Variants in MYH13 observed in about 807,000 individuals in gnomAD.
MYH13 encodes myosin heavy chain 13.
A neutral mutation model predicts 232.1 loss-of-function variants in MYH13; 177 were observed. That is an observed-to-expected ratio of 0.76 (90% confidence interval 0.67 to 0.86). MYH13 has a LOEUF of 0.86. Ranked by LOEUF, MYH13 falls within the 40% of genes least tolerant of loss-of-function variation. The pLI is 0.00. For synonymous variants in MYH13, 884 were observed against 923.5 expected, an observed-to-expected ratio of 0.96 and a Z score of 0.78; for missense variants, 2,246 against 2,405.9, an observed-to-expected ratio of 0.93 and a Z score of 1.39.
chr17:10,320,121 T>A, intron 26 of MYH13, 32 bp downstream of exon 26: 1 of 1,517,440 alleles, frequency 6.6e-7, no homozygotes. Context: ...GCAAAGGGAT[T>A]GTCATGATTG....
intron 23 of MYH13, among the ~76,000 whole-genome samples, chr17:10,323,208 G>C (rs2142236075): frequency 6.6e-6 from 1 of 152,248 alleles, no homozygotes; most frequent in South Asian, 2.1e-4. Flanking sequence ...GGGTCGTAGG[G>C]TATCTGGATT....
At chr17:10,363,407 A>C (rs915757161) in intron 3 of MYH13, among the ~76,000 whole-genome samples, 1 of 152,166 alleles carries the variant, frequency 6.6e-6, no homozygotes, top group Non-Finnish European at 1.5e-5. Flanking sequence ...AGTCCTTAGG[A>C]AAACTTTGAG....
rs754390108 is a variant in MYH13 at position 10,306,585 on chromosome 17, G to A, written c.5340C>T (p.Ser1780=). ...TCTTCTTCATCCGCTCCAGGTGGGC[G>A]CTGGTGTCCTGTTCCTTCTTTAGCT... ...AEELKKEQDT[S]AHLERMKKNL... is the part of the protein sequence containing the mutation. The change falls in exon 37 of 41, where the codon AGC becomes AGT. Residue 1780 remains serine (S), a synonymous_variant. Coordinates refer to ENST00000252172, the MANE Select transcript of MYH13 (RefSeq NM_003802.3). This position sits in a 1 kb window ranked among gnomAD's most constrained non-coding sequence, Gnocchi z 4.3. 19 of 1,614,058 alleles carry A rather than the reference G, an allele frequency of 1.2e-5. No individual in the cohort carries two copies. The highest frequency in any genetic ancestry group is 5.0e-5 in the Admixed American group (3 of 60,008).
At position 10,364,357 on chromosome 17, in the gene MYH13, G is replaced by C. The variant is rs1315574147; in HGVS notation, c.174C>G (p.Asp58Glu). The C allele has an allele frequency of 3.1e-6, 5 of 1,613,754 alleles. No individual in the cohort carries two copies. The highest frequency in any genetic ancestry group is 1.3e-5 in the African/African-American group (1 of 74,916). ...VKGMIQTREN[D>E]KVIVKTLDDR... ...CATCGAGGGTCTTGACTATGACTTT[G>C]TCATTTTCCCTAGTCTGGATCATGC... is the stretch of plus-strand genomic sequence containing the variant. The change falls in exon 3 of 41, where the codon GAC (aspartate) becomes GAG (glutamate). Residue 58 changes from aspartate to glutamate, a missense_variant. Transcript: ENST00000252172.
At chr17:10,351,235 A>AG (rs71139042) in intron 11 of MYH13, among the ~76,000 whole-genome samples, 1 of 149,818 alleles carries the variant, frequency 6.7e-6, no homozygotes, top group Non-Finnish European at 1.5e-5. Flanking sequence ...AAAAAAAAAA[A>AG]GAGAACTGAT....
chr17:10,335,703 T>A (rs149794257), intron 18 of MYH13, among the ~76,000 whole-genome samples: 2 of 151,394 alleles, frequency 1.3e-5, no homozygotes, highest in African/African-American at 4.9e-5. Context: ...TGCAGTGAGC[T>A]GAGATGGCGC....
At chr17:10,334,545 A>G (rs1021801403) in intron 18 of MYH13, among the ~76,000 whole-genome samples, 7 of 152,122 alleles carry the variant, frequency 4.6e-5, no homozygotes, top group Admixed American at 4.6e-4. Context: ...GTGATTCTCT[A>G]GAGAAAACAT....
intron 18 of MYH13, among the ~76,000 whole-genome samples, chr17:10,338,888 A>C (rs1324910763): frequency 1.3e-5 from 2 of 152,006 alleles, no homozygotes; most frequent in Admixed American, 6.6e-5. Context: ...TTTTTAGTAG[A>C]GACGGGGTTT....
At position 10,354,771 on chromosome 17, in the gene MYH13, A is replaced by C. The variant is rs1388168076; in HGVS notation, c.914T>G (p.Ile305Ser). The change falls in exon 11 of 41, where the codon ATC becomes AGC. Residue 305 changes from isoleucine (I) to serine (S), a missense_variant. By Grantham distance (142) the Ile-to-Ser change is moderately radical. Coordinates refer to ENST00000252172, the MANE Select transcript of MYH13 (RefSeq NM_003802.3). Reference protein sequence around the residue: ...KKPELIDLLLISTNPFDFPFV... With the variant: ...KKPELIDLLLSSTNPFDFPFV... ...GGGGAAGTCGAAGGGGTTGGTGGAGATCAGAAGCAGGTCTGTGAAACACAG... is the reference window on the plus strand; with the variant it reads ...GGGGAAGTCGAAGGGGTTGGTGGAGCTCAGAAGCAGGTCTGTGAAACACAG... 3 of 1,613,906 alleles carry C rather than the reference A, an allele frequency of 1.9e-6. No homozygotes were observed. The Admixed American group carries it at 5.0e-5, about 27-fold the overall frequency.
chr17:10,349,617 T>C (rs1456702799), intron 12 of MYH13, among the ~76,000 whole-genome samples: 1 of 151,988 alleles, frequency 6.6e-6, no homozygotes, highest in Non-Finnish European at 1.5e-5. Context: ...GTACATGCCT[T>C]GTATAACCTC....
Position 10,340,415 on chromosome 17 carries a change from C to T in MYH13, c.1895-14G>A, listed in dbSNP as rs751941498. 9.3e-6 allele frequency: 15 copies of T among 1,606,596 alleles called. No homozygotes were observed. The highest frequency in any genetic ancestry group is 1.3e-5 in the Non-Finnish European group (15 of 1,175,376). On this transcript the variant is annotated splice_polypyrimidine_tract_variant and intron_variant, in intron 16 of 40. Coordinates refer to ENST00000252172, the MANE Select transcript of MYH13 (RefSeq NM_003802.3). ...CTCCGGAGTCGCCTGGAGACAGACACAGAAGAGCGTGTTAGATGCATCCCA... is the reference window on the plus strand; with the variant it reads ...CTCCGGAGTCGCCTGGAGACAGACATAGAAGAGCGTGTTAGATGCATCCCA...
At position 10,306,588 on chromosome 17, in the gene MYH13, G is replaced by A. The variant is rs1475409164; in HGVS notation, c.5337C>T (p.Thr1779=). The A allele has an allele frequency of 3.1e-6, 5 of 1,614,092 alleles. No homozygotes were observed. Among genetic ancestry groups the A allele is most frequent in the Non-Finnish European group, 4.2e-6 (5 of 1,180,030 alleles). Residue 1779 remains threonine, a synonymous_variant, in exon 37 of 41, where the codon ACC becomes ACT. Transcript: ENST00000252172. This position sits in a 1 kb window ranked among gnomAD's most constrained non-coding sequence, Gnocchi z 4.3. ...MAEELKKEQD[T]SAHLERMKKN... is the part of the protein sequence containing the mutation. Reference sequence around the variant, plus strand: ...TCTTCATCCGCTCCAGGTGGGCGCTGGTGTCCTGTTCCTTCTTTAGCTCCT... The same window carrying A: ...TCTTCATCCGCTCCAGGTGGGCGCTAGTGTCCTGTTCCTTCTTTAGCTCCT...
In MYH13 at chr17:10,339,371, G is replaced by T. The variant is rs191249011; in HGVS notation, c.2056+779C>A. Among the ~76,000 whole-genome samples the T allele has an allele frequency of 1.6e-4, 24 of 152,318 alleles. No individual in the cohort carries two copies. The East Asian group carries it at 4.6e-3, about 29-fold the overall frequency. ...TTATATATAGTCTGTATTGCACAGG[G>T]TTCTGTATTTATATATAGTCTCTGA... On this transcript the variant is annotated intron_variant, in intron 18 of 40. Coordinates refer to ENST00000252172, the MANE Select transcript of MYH13 (RefSeq NM_003802.3).
Position 10,313,304 on chromosome 17 carries a change from G to A in MYH13, c.4035C>T (p.Asp1345=), listed in dbSNP as rs201932409. The change falls in exon 30 of 41, where the codon GAC becomes GAT. Residue 1345 remains aspartate, a synonymous_variant. Transcript: ENST00000252172. ...CCTCCTCATACTGTTCCCGCAGCAGGTCACAGTCGTGGCGGGAGGACTGCA... is the reference window on the plus strand; with the variant it reads ...CCTCCTCATACTGTTCCCGCAGCAGATCACAGTCGTGGCGGGAGGACTGCA... ...HALQSSRHDC[D]LLREQYEEEQ... is the part of the protein sequence containing the mutation. 5 of 1,614,136 alleles carry A rather than the reference G, an allele frequency of 3.1e-6. No individual in the cohort carries two copies. The highest frequency in any genetic ancestry group is 2.2e-5 in the East Asian group (1 of 44,890).
chr17:10,350,061 A>C (rs2071697347), intron 12 of MYH13, among the ~76,000 whole-genome samples: 1 of 152,136 alleles, frequency 6.6e-6, no homozygotes, highest in African/African-American at 2.4e-5. Context: ...CAGTAGGATC[A>C]GCTAGGTGAG....
At chr17:10,330,889 G>A (rs1907387908) in intron 20 of MYH13, among the ~76,000 whole-genome samples, 1 of 151,896 alleles carries the variant, frequency 6.6e-6, no homozygotes, top group Admixed American at 6.6e-5. Flanking sequence ...TGGTGGTGGG[G>A]ACCTGTAATC....
rs182969012 is a variant in MYH13 at position 10,312,639 on chromosome 17, G to A, written c.4300C>T (p.Arg1434Trp). ...GCGGTGTGGGAGCGCTCCAGATCCC[G>A]CATCAGATCCTCCACCTCTCCCTGC... ...RLQGEVEDLM[R>W]DLERSHTACA... Residue 1434 changes from arginine (R) to tryptophan (W), a missense_variant, in exon 31 of 41, where the codon CGG (arginine) becomes TGG (tryptophan). Physicochemically the swap from Arg to Trp is moderately radical, Grantham distance 101. Transcript: ENST00000252172. The A allele has an allele frequency of 8.6e-5, 139 of 1,613,210 alleles. 1 individual carries two copies. In the East Asian group the frequency reaches 2.5e-3, roughly 29 times the overall value.
In MYH13 at chr17:10,316,400, G is replaced by T. The variant is rs937484873; in HGVS notation, c.3739-375C>A. Among the ~76,000 whole-genome samples the T allele has an allele frequency of 9.9e-5, 15 of 152,238 alleles. No homozygotes were observed. The East Asian group carries it at 1.9e-3, about 20-fold the overall frequency. ...CGCTTGAACTCGGGAGGCGGAGGTT[G>T]CAGTGAGCCGAGATCATGCCATTGC... On this transcript the variant is annotated intron_variant, in intron 27 of 40. Coordinates refer to ENST00000252172, the MANE Select transcript of MYH13 (RefSeq NM_003802.3).
At chr17:10,357,211 C>A (rs186779607) in intron 8 of MYH13, among the ~76,000 whole-genome samples, 1 of 152,330 alleles carries the variant, frequency 6.6e-6, no homozygotes, top group East Asian at 1.9e-4. Context: ...ATCCGCCCCC[C>A]TCAGCCTCCC....
Sources: gnomAD v4.1 joint callset for allele counts (sites outside exome capture counted in the v4.1 genomes callset) on GRCh38, gnomAD v4.1.1 for gene constraint, Gnocchi (gnomAD v3.1) non-coding constraint, MANE v1.5 for transcripts, NCBI Gene and HGNC (gene_info 2026-07-23, HGNC 2026-07-21) for gene names.